GLYATL1: variants seen among roughly 807,000 people sequenced by gnomAD.
GLYATL1 encodes the protein glycine-N-acyltransferase like 1.
GLYATL1 carries 15 observed loss-of-function variants against 20.0 expected under a neutral mutation model. The observed-to-expected ratio is 0.75, with a 90% CI of 0.50 to 1.15. The LOEUF (loss-of-function observed/expected upper bound fraction) is 1.15, where lower values mean the gene tolerates loss of function less well. GLYATL1 is among the 50% of genes most tolerant of loss of function. GLYATL1 has a pLI of 0.00. For missense variants in GLYATL1, 380 were observed against 368.5 expected (o/e 1.03, Z -0.26); for synonymous variants, 151 against 131.5 (o/e 1.15, Z -1.01).
rs570636014 is a variant in GLYATL1, at chr11:58,931,973, G to A, written c.-212+4144G>A. Among the ~76,000 whole-genome samples the A allele has an allele frequency of 9.2e-5, 14 of 151,796 alleles. No homozygotes were observed. The East Asian group carries it at 1.5e-3, about 17-fold the overall frequency. ...AAAACAGTACAAAAATTAGCCAGGCGTGGTGGCATGCACCTGTAGTCCTAG... is the reference window on the plus strand; with the variant it reads ...AAAACAGTACAAAAATTAGCCAGGCATGGTGGCATGCACCTGTAGTCCTAG... On this transcript the variant is annotated intron_variant, in intron 1 of 7. Coordinates refer to the GLYATL1 transcript ENST00000317391.
chr11:58,929,601 TG>T (rs764486837), intron 1 of GLYATL1, among the ~76,000 whole-genome samples: 1 of 152,194 alleles, frequency 6.6e-6, no homozygotes, highest in Non-Finnish European at 1.5e-5. Flanking sequence ...CAAATTATGA[TG>T]TTTTTTTCTA....
chr11:58,955,554 C>T (rs1008993103), intron 6 of GLYATL1, 56 bp from the exon 7 acceptor site: 1 of 1,564,982 alleles, frequency 6.4e-7, no homozygotes, highest in Non-Finnish European at 8.7e-7. Context: ...GGGATGGCAC[C>T]TAGAAATTAC....
At chr11:58,951,075 T>C (rs1271457147) in intron 4 of GLYATL1, among the ~76,000 whole-genome samples, 1 of 152,154 alleles carries the variant, frequency 6.6e-6, no homozygotes, top group African/African-American at 2.4e-5. Context: ...TCTTTTTCAC[T>C]ATGACTTCTG....
intron 1 of GLYATL1, among the ~76,000 whole-genome samples, chr11:58,942,018 A>G (rs1357017593): frequency 6.6e-6 from 1 of 152,240 alleles, no homozygotes; most frequent in Non-Finnish European, 1.5e-5. Flanking sequence ...ATGAATGCTG[A>G]CAGATAACAC....
downstream of GLYATL1, among the ~76,000 whole-genome samples, chr11:58,910,488 A>G (rs1216530893): frequency 6.6e-6 from 1 of 152,204 alleles, no homozygotes; most frequent in Admixed American, 6.5e-5. Flanking sequence ...TCACATATCA[A>G]ATACTTAAGA....
chr11:58,952,323 C>T (rs1015925901), intron 4 of GLYATL1, among the ~76,000 whole-genome samples: 1 of 152,064 alleles, frequency 6.6e-6, no homozygotes, highest in Non-Finnish European at 1.5e-5. Flanking sequence ...TTTCTAAAAC[C>T]AACTGTTCAT....
downstream of GLYATL1, among the ~76,000 whole-genome samples, chr11:58,910,098 G>T (rs962330175): frequency 3.3e-5 from 5 of 152,144 alleles, no homozygotes; most frequent in Non-Finnish European, 7.4e-5. Flanking sequence ...ACAAAACCCT[G>T]TGACTGAGAG....
At chr11:58,941,706 CA>C (rs1267296342) in intron 1 of GLYATL1, among the ~76,000 whole-genome samples, 2 of 152,168 alleles carry the variant, frequency 1.3e-5, no homozygotes, top group African/African-American at 4.8e-5. Context: ...AGAAAAAGAA[CA>C]GCCAAGTGCC....
At chr11:58,936,211 C>T (rs1040781282), upstream of GLYATL1, among the ~76,000 whole-genome samples, 3 of 152,148 alleles carry the variant, frequency 2.0e-5, no homozygotes, top group Non-Finnish European at 2.9e-5. Flanking sequence ...GTTTCCAGAT[C>T]AAATATTTGT....
At chr11:58,914,416 T>G (rs1855120442) in intron 1 of GLYATL1, among the ~76,000 whole-genome samples, 1 of 152,204 alleles carries the variant, frequency 6.6e-6, no homozygotes, top group African/African-American at 2.4e-5. Context: ...GTCAGAGGTC[T>G]CCGGATGGCT....
chr11:58,947,868 C>A lies in GLYATL1; in HGVS notation c.89C>A (p.Ser30Tyr). Reference protein sequence around the residue: ...SIPESLKVYGSVYHINHGNPF... With the variant: ...SIPESLKVYGYVYHINHGNPF... Reference sequence around the variant, plus strand: ...TCATCCCTCCTTCAGGTGTATGGCTCTGTGTATCACATCAATCACGGGAAC... The same window carrying A: ...TCATCCCTCCTTCAGGTGTATGGCTATGTGTATCACATCAATCACGGGAAC... The change falls in exon 4 of 7, where the codon TCT (serine) becomes TAT (tyrosine). Residue 30 changes from serine (S) to tyrosine (Y), a missense_variant. Physicochemically the swap from Ser to Tyr is moderately radical, Grantham distance 144 (BLOSUM62 -2). Transcript: ENST00000532726. 2 of 1,611,940 alleles carry A rather than the reference C, an allele frequency of 1.2e-6. No individual in the cohort carries two copies. The highest frequency in any genetic ancestry group is 1.7e-6 in the Non-Finnish European group (2 of 1,178,010).
chr11:58,937,734 G>T (rs1050873808), upstream of GLYATL1, among the ~76,000 whole-genome samples: 1 of 152,136 alleles, frequency 6.6e-6, no homozygotes, highest in African/African-American at 2.4e-5. Flanking sequence ...AGATTCCCTA[G>T]GAAGTTTTCA....
chr11:58,955,860 A>G lies in GLYATL1; in HGVS notation c.742A>G (p.Met248Val), dbSNP rs752579795. The change falls in exon 7 of 7, where the codon ATG becomes GTG. Residue 248 changes from methionine to valine, a missense_variant. Transcript: ENST00000532726. ...AAGGACAGGCAACATGGCACGAGTG[A>G]TGGTGCGATACATGAAATATCTGCG... Reference protein sequence around the residue: ...YRRTGNMARVMVRYMKYLRQK... With the variant: ...YRRTGNMARVVVRYMKYLRQK... 4 of 1,614,196 alleles carry G rather than the reference A, an allele frequency of 2.5e-6. 1 individual carries two copies. Among genetic ancestry groups the G allele is most frequent in the South Asian group, 2.2e-5 (2 of 91,082 alleles).
intron 4 of GLYATL1, among the ~76,000 whole-genome samples, chr11:58,949,579 C>A (rs1448974865): frequency 1.3e-5 from 2 of 152,008 alleles, no homozygotes; most frequent in African/African-American, 2.4e-5. Flanking sequence ...AGCATCAAGC[C>A]ATACCTTCAT....
intron 1 of GLYATL1, among the ~76,000 whole-genome samples, chr11:58,918,509 G>T (rs779584215): frequency 6.6e-6 from 1 of 152,160 alleles, no homozygotes; most frequent in African/African-American, 2.4e-5. Flanking sequence ...TAGTATGCAT[G>T]CAGGGAGGGC....
intron 1 of GLYATL1, among the ~76,000 whole-genome samples, chr11:58,928,845 C>A (rs1035101864): frequency 6.6e-6 from 1 of 152,052 alleles, no homozygotes; most frequent in Admixed American, 6.6e-5. Flanking sequence ...AAGTAAATAC[C>A]ATTAGGGGGC....
intron 1 of GLYATL1, among the ~76,000 whole-genome samples, chr11:58,916,652 C>A (rs1406727793): frequency 8.5e-5 from 13 of 152,202 alleles, no homozygotes; most frequent in South Asian, 4.1e-4. Flanking sequence ...CCAGTCAAAG[C>A]CTTCCTCTGA....
chr11:58,913,510 C>G (rs1855100019), downstream of GLYATL1, among the ~76,000 whole-genome samples: 1 of 152,182 alleles, frequency 6.6e-6, no homozygotes, highest in Admixed American at 6.5e-5. Flanking sequence ...GATATTCAAT[C>G]ACTTTGATCA....
Position 58,956,223 on chromosome 11 carries a change from G to C in GLYATL1, c.*196G>C. The C allele has an allele frequency of 1.7e-6, 1 of 592,468 alleles. No individual in the cohort carries two copies. Among genetic ancestry groups the C allele is most frequent in the Non-Finnish European group, 3.0e-6 (1 of 338,118 alleles). The allele number at this position is 592,468 out of a possible 1,614,324, so 36.7% of individuals were successfully genotyped here. A position where few individuals can be genotyped will look rare whatever the true frequency, so the allele number is the denominator to read the frequency against. On this transcript the variant is annotated 3_prime_UTR_variant, in exon 7 of 7. Coordinates refer to ENST00000532726, the MANE Select transcript of GLYATL1 (RefSeq NM_001389712.2). ...TACAATCCTGGCTGGAGGCAGGGGAGGGTATATTCTTTAAATATGCTTAAG... is the reference window on the plus strand; with the variant it reads ...TACAATCCTGGCTGGAGGCAGGGGACGGTATATTCTTTAAATATGCTTAAG...
Sources: gnomAD v4.1 joint callset for allele counts (sites outside exome capture counted in the v4.1 genomes callset) on GRCh38, gnomAD v4.1.1 for gene constraint, MANE v1.5 for transcripts, NCBI Gene and HGNC (gene_info 2026-07-23, HGNC 2026-07-21) for gene names.